SDK1: variants seen among roughly 807,000 people sequenced by gnomAD.
SDK1 encodes the protein sidekick cell adhesion molecule 1.
Under a neutral mutation model 245.5 loss-of-function variants are expected in SDK1, and 157 were observed. That is an observed-to-expected ratio of 0.64 (90% CI 0.56 to 0.73). The LOEUF (loss-of-function observed/expected upper bound fraction) is 0.73, where lower values mean the gene tolerates loss of function less well. Ranked by LOEUF, SDK1 falls within the 30% of genes least tolerant of loss-of-function variation. The pLI, the probability that SDK1 is intolerant of heterozygous loss-of-function variation, is 0.00. For synonymous variants in SDK1, 1,647 were observed against 1,278.5 expected (o/e 1.29, Z -6.15); for missense variants, 3,583 against 3,002.3 (o/e 1.19, Z -4.52).
chr7:3,654,503 A>G (rs1471678230), intron 4 of SDK1, among the ~76,000 whole-genome samples: 1 of 152,210 alleles, frequency 6.6e-6, no homozygotes, highest in Non-Finnish European at 1.5e-5. Context: ...CCTTATAAGC[A>G]ATAATAGGTC....
At chr7:3,525,390 C>T (rs1240284241) in intron 1 of SDK1, among the ~76,000 whole-genome samples, 1 of 152,050 alleles carries the variant, frequency 6.6e-6, no homozygotes, top group Non-Finnish European at 1.5e-5. Flanking sequence ...CTCCTTGCTC[C>T]TGGGGTTGTT....
At chr7:3,800,499 A>G (rs376792099) in intron 4 of SDK1, among the ~76,000 whole-genome samples, 21 of 152,136 alleles carry the variant, frequency 1.4e-4, no homozygotes, top group African/African-American at 5.1e-4. Context: ...CTCCTGCCTC[A>G]GCCTTCCAAG....
intron 4 of SDK1, among the ~76,000 whole-genome samples, chr7:3,789,939 G>A (rs1781029136): frequency 6.6e-6 from 1 of 152,138 alleles, no homozygotes; most frequent in Non-Finnish European, 1.5e-5. Context: ...TAGGGGGCAA[G>A]TGGCAGGAGT....
chr7:3,439,119 C>G (rs746750702), intron 1 of SDK1, among the ~76,000 whole-genome samples: 1 of 152,136 alleles, frequency 6.6e-6, no homozygotes, highest in Non-Finnish European at 1.5e-5. Flanking sequence ...TCCCAAAGTG[C>G]TGGGATTACA....
chr7:3,480,402 C>A (rs540107264), intron 1 of SDK1, among the ~76,000 whole-genome samples: 227 of 140,834 alleles, frequency 1.6e-3, no homozygotes, highest in African/African-American at 5.9e-3. Context: ...GGATAAGCTG[C>A]CTGCCTCCTG....
intron 5 of SDK1, among the ~76,000 whole-genome samples, chr7:3,894,032 G>A (rs1328959375): frequency 2.0e-5 from 3 of 152,156 alleles, no homozygotes; most frequent in Admixed American, 6.5e-5. Flanking sequence ...TAAAGACATG[G>A]GAAGTTTTGT....
chr7:4,149,704 G>A (rs74484887), intron 30 of SDK1, among the ~76,000 whole-genome samples: 2 of 152,158 alleles, frequency 1.3e-5, no homozygotes, highest in Admixed American at 1.3e-4. Flanking sequence ...TGCAGGGCTG[G>A]TTTGGTCACC....
At position 4,130,027 on chromosome 7, in the gene SDK1, G is replaced by A. The variant is rs1397264700; in HGVS notation, c.4059G>A (p.Val1353=). 5.0e-6 allele frequency: 8 copies of A among 1,613,498 alleles called. No individual in the cohort carries two copies. Among genetic ancestry groups the A allele is most frequent in the South Asian group, 3.3e-5 (3 of 91,052 alleles). ...LRKFVLYELQ[V]LAFTRIGNGV... is the part of the protein sequence containing the mutation. ...AGTTCGTGCTCTACGAGCTCCAGGT[G>A]CTGGCGTTCACCCGCATCGGGAACG... The change falls in exon 27 of 45, where the codon GTG becomes GTA. Residue 1353 remains valine, a synonymous_variant. Transcript: ENST00000404826.
At chr7:3,656,828 A>T (rs1783201093) in intron 4 of SDK1, among the ~76,000 whole-genome samples, 1 of 151,602 alleles carries the variant, frequency 6.6e-6, no homozygotes, top group South Asian at 2.1e-4. Context: ...GCTCACTGCA[A>T]GCTCCGCCTC....
chr7:3,652,983 G>A (rs1313035486), intron 4 of SDK1, among the ~76,000 whole-genome samples: 1 of 152,128 alleles, frequency 6.6e-6, no homozygotes, highest in Non-Finnish European at 1.5e-5. Flanking sequence ...AGAAGTGGGT[G>A]GACTGAGCAC....
At chr7:3,747,130 A>C (rs1562413780) in intron 4 of SDK1, among the ~76,000 whole-genome samples, 1 of 152,220 alleles carries the variant, frequency 6.6e-6, no homozygotes, top group East Asian at 1.9e-4. Flanking sequence ...GTAATATATA[A>C]ATTAGGAAAC....
intron 1 of SDK1, among the ~76,000 whole-genome samples, chr7:3,562,132 A>T (rs1196868876): frequency 2.0e-5 from 3 of 152,172 alleles, no homozygotes; most frequent in Non-Finnish European, 4.4e-5. Flanking sequence ...TCACCTGGGG[A>T]ATAGAACTTG....
chr7:3,984,742 A>G (rs565261429), intron 13 of SDK1, among the ~76,000 whole-genome samples: 24 of 152,186 alleles, frequency 1.6e-4, no homozygotes, highest in South Asian at 8.3e-4. Flanking sequence ...TTCACGGCCT[A>G]TCTCCCATCC....
chr7:3,613,059 C>T (rs1781653865), intron 1 of SDK1, among the ~76,000 whole-genome samples: 1 of 152,138 alleles, frequency 6.6e-6, no homozygotes, highest in African/African-American at 2.4e-5. Context: ...TGGGCAGAGT[C>T]AAAAGAAGAA....
intron 5 of SDK1, among the ~76,000 whole-genome samples, chr7:3,857,434 G>A (rs1185366443): frequency 6.6e-6 from 1 of 152,150 alleles, no homozygotes; most frequent in Non-Finnish European, 1.5e-5. Flanking sequence ...TGTAATCCCA[G>A]CACTTTGGGA....
At chr7:3,680,497 G>A (rs1001956363) in intron 4 of SDK1, among the ~76,000 whole-genome samples, 3 of 152,128 alleles carry the variant, frequency 2.0e-5, no homozygotes, top group Admixed American at 2.0e-4. Flanking sequence ...ATCTAAGTGA[G>A]GTCTGGGTGT....
chr7:3,930,462 G>A (rs1055816642), intron 5 of SDK1, among the ~76,000 whole-genome samples: 1 of 152,180 alleles, frequency 6.6e-6, no homozygotes, highest in Non-Finnish European at 1.5e-5. Flanking sequence ...GGAAGAGGCA[G>A]GTCTCAAGAA....
At chr7:4,145,700 C>G (rs770407997) in intron 28 of SDK1, 22 bp from the exon 29 acceptor site, 20 of 1,582,490 alleles carry the variant, frequency 1.3e-5, no homozygotes, top group Non-Finnish European at 1.7e-6. Context: ...CAGCAGCTGT[C>G]TCCCATGTCA....
intron 4 of SDK1, among the ~76,000 whole-genome samples, chr7:3,727,156 A>G (rs1220060442): frequency 6.6e-6 from 1 of 152,224 alleles, no homozygotes; most frequent in Non-Finnish European, 1.5e-5. Context: ...CACAATTTTC[A>G]CTTGCATCAT....
Sources: allele counts gnomAD v4.1 joint callset (sites outside exome capture counted in the v4.1 genomes callset), GRCh38; gene constraint gnomAD v4.1.1; transcripts MANE v1.5; gene names NCBI Gene and HGNC (gene_info 2026-07-23, HGNC 2026-07-21).